RP1L1: variants seen among roughly 807,000 people sequenced by gnomAD.
The protein encoded by RP1L1 is retinitis pigmentosa 1-like 1 protein.
In RP1L1, 27 loss-of-function variants were observed where a neutral mutation model predicts 15.7. That is an observed-to-expected ratio of 1.72 (90% CI 1.27 to 2.38). RP1L1 has a LOEUF of 2.38. Among genes scored for constraint, RP1L1 ranks in the 30% most tolerant of loss-of-function variants. RP1L1 has a pLI of 0.00. For synonymous variants in RP1L1, 1,813 were observed against 1,276.7 expected (o/e 1.42, Z -8.96); for missense variants, 4,798 against 3,075.9 (o/e 1.56, Z -13.24).
intron 1 of RP1L1, among the ~76,000 whole-genome samples, chr8:10,645,696 G>C (rs970197298): frequency 1.3e-5 from 2 of 152,164 alleles, no homozygotes; most frequent in African/African-American, 4.8e-5. Context: ...CGAGCATTGG[G>C]CTTCCCTGGG....
intron 2 of RP1L1, among the ~76,000 whole-genome samples, chr8:10,620,822 C>T (rs1390394182): frequency 6.6e-6 from 1 of 152,214 alleles, no homozygotes; most frequent in African/African-American, 2.4e-5. Flanking sequence ...AGCCCATTGG[C>T]TGTCATGTCC....
intron 1 of RP1L1, among the ~76,000 whole-genome samples, chr8:10,647,213 G>A (rs1798492597): frequency 1.3e-5 from 2 of 152,200 alleles, no homozygotes; most frequent in African/African-American, 2.4e-5. Context: ...TGGTTACAAG[G>A]CAACCAAGTA....
intron 3 of RP1L1, among the ~76,000 whole-genome samples, chr8:10,614,725 AAAG>A (rs1249023638): frequency 6.6e-6 from 1 of 151,778 alleles, no homozygotes; most frequent in Non-Finnish European, 1.5e-5. Context: ...AGGAAAAAAA[AAAG>A]AAAGAAAGAA....
rs115393855 is a variant in RP1L1 at position 10,632,788 on chromosome 8, A to G, written c.-19-9568T>C. On this transcript the variant is annotated intron_variant, in intron 1 of 3. Coordinates refer to ENST00000382483, the MANE Select transcript of RP1L1 (RefSeq NM_178857.6). The stretch of plus-strand genomic sequence containing the variant: ...TCCCAGTCTGAGGTTGACTTGATAT[A>G]GGATGGACGAGGTCAAGATGAGGAG... 3.9e-3 allele frequency among the ~76,000 whole-genome samples: 590 copies of G among 152,348 alleles called. 1 individual carries two copies. The highest frequency in any genetic ancestry group is 0.013 in the African/African-American group (553 of 41,566).
intron 1 of RP1L1, among the ~76,000 whole-genome samples, chr8:10,650,574 T>C (rs1336892232): frequency 1.3e-5 from 2 of 150,652 alleles, no homozygotes; most frequent in East Asian, 1.9e-4. Context: ...TTTTTTTAAT[T>C]GAGAGGGAGT....
At position 10,610,925 on chromosome 8, in the gene RP1L1, G is replaced by A; in HGVS notation, c.3173C>T (p.Ala1058Val). 6.2e-7 allele frequency: 1 copy of A among 1,611,150 alleles called. No individual in the cohort carries two copies. Among genetic ancestry groups the A allele is most frequent in the Admixed American group, 1.7e-5 (1 of 59,792 alleles). ...TGCTGGGGCCTCTCTGTCTGCTCCGGCCTCTGCAGGGGCCTCGGAAACTCC... is the reference window on the plus strand; with the variant it reads ...TGCTGGGGCCTCTCTGTCTGCTCCGACCTCTGCAGGGGCCTCGGAAACTCC... The part of the protein sequence containing the change: ...PEGVSEAPAE[A>V]GADREAPAGC... Residue 1058 changes from alanine to valine, a missense_variant, in exon 4 of 4, where the codon GCC (alanine) becomes GTC (valine). Coordinates refer to ENST00000382483, the MANE Select transcript of RP1L1 (RefSeq NM_178857.6).
At chr8:10,613,699 C>T (rs1448608891) in intron 3 of RP1L1, among the ~76,000 whole-genome samples, 1 of 151,450 alleles carries the variant, frequency 6.6e-6, no homozygotes, top group East Asian at 1.9e-4. Context: ...AAGGCTGAGG[C>T]AGGAGAATCC....
At chr8:10,618,691 C>A (rs1220912484) in intron 2 of RP1L1, among the ~76,000 whole-genome samples, 5 of 152,122 alleles carry the variant, frequency 3.3e-5, no homozygotes, top group African/African-American at 1.2e-4. Context: ...GACCCTGTCT[C>A]AAACATTAAT....
chr8:10,612,646 G>T lies in RP1L1; in HGVS notation c.1452C>A (p.Ser484Arg). The change falls in exon 4 of 4, where the codon AGC (serine) becomes AGA (arginine). Residue 484 changes from serine to arginine, a missense_variant. Ser to Arg is a moderately radical substitution (Grantham distance 110). Transcript: ENST00000382483. ...RTPEDGVDSASPSAQIGAERK... is the reference protein window; with the variant it reads ...RTPEDGVDSARPSAQIGAERK... ...GCTCAGCCCCTATCTGGGCAGAGGGGCTGGCACTGTCCACCCCGTCCTCCG... is the reference window on the plus strand; with the variant it reads ...GCTCAGCCCCTATCTGGGCAGAGGGTCTGGCACTGTCCACCCCGTCCTCCG... 1 of 1,601,774 alleles carries T rather than the reference G, an allele frequency of 6.2e-7. No homozygotes were observed.
chr8:10,630,518 T>C (rs1798225144), intron 1 of RP1L1, among the ~76,000 whole-genome samples: 1 of 152,162 alleles, frequency 6.6e-6, no homozygotes, highest in Non-Finnish European at 1.5e-5. Context: ...AAAGAAAATG[T>C]CAAGACAAAT....
rs367747428 is a variant in RP1L1 at position 10,609,707 on chromosome 8, G to C, written c.4391C>G (p.Ala1464Gly). The C allele has an allele frequency of 8.7e-6, 14 of 1,612,946 alleles. No homozygotes were observed. The highest frequency in any genetic ancestry group is 8.0e-5 in the African/African-American group (6 of 74,920). ...CTGGGAGCCACTCTGCCTCTCGCTGGCACTTGGGTCCGTCTCGCTGAGATG... is the reference window on the plus strand; with the variant it reads ...CTGGGAGCCACTCTGCCTCTCGCTGCCACTTGGGTCCGTCTCGCTGAGATG... The part of the protein sequence containing the change: ...PSHLSETDPS[A>G]SERQSGSQLE... The change falls in exon 4 of 4, where the codon GCC becomes GGC. Residue 1464 changes from alanine to glycine, a missense_variant. Transcript: ENST00000382483.
chr8:10,611,055 C>G lies in RP1L1; in HGVS notation c.3043G>C (p.Glu1015Gln). ...EPAQAGQQSL[E>Q]GDPGQDPEPE... ...TCTGGGTCCTGGCCGGGGTCCCCTT[C>G]CAGGGACTGCTGTCCCGCCTGAGCT... Residue 1015 changes from glutamate (E) to glutamine (Q), a missense_variant, in exon 4 of 4, where the codon GAA (glutamate) becomes CAA (glutamine). By Grantham distance (29) the Glu-to-Gln change is conservative. Coordinates refer to ENST00000382483, the MANE Select transcript of RP1L1 (RefSeq NM_178857.6). 6.2e-7 allele frequency: 1 copy of G among 1,612,812 alleles called. No individual in the cohort carries two copies. Among genetic ancestry groups the G allele is most frequent in the Non-Finnish European group, 8.5e-7 (1 of 1,180,004 alleles).
chr8:10,654,204 CT>C (rs1798605235), intron 1 of RP1L1, among the ~76,000 whole-genome samples: 1 of 152,154 alleles, frequency 6.6e-6, no homozygotes, highest in Non-Finnish European at 1.5e-5. Flanking sequence ...TGACTGGCCG[CT>C]GGGGGGATGT....
At chr8:10,650,535 G>C (rs1182475114) in intron 1 of RP1L1, among the ~76,000 whole-genome samples, 3 of 151,592 alleles carry the variant, frequency 2.0e-5, no homozygotes, top group Non-Finnish European at 4.4e-5. Flanking sequence ...GAAGTCATAA[G>C]AGCAAGACTC....
chr8:10,623,194 C>A lies in RP1L1; in HGVS notation c.8G>T (p.Ser3Ile). 1 of 1,561,202 alleles carries A rather than the reference C, an allele frequency of 6.4e-7. No homozygotes were observed. Among genetic ancestry groups the A allele is most frequent in the Non-Finnish European group, 8.7e-7 (1 of 1,153,182 alleles). ...CGGGGCCTGGGCATTCCTGGGGGTG[C>A]TGTTCATGGTGTGGGGGCTCTGGCC... MN[S>I]TPRNAQAPSH... The change falls in exon 2 of 4, where the codon AGC becomes ATC. Residue 3 changes from serine (S) to isoleucine (I), a missense_variant. By Grantham distance (142) the Ser-to-Ile change is moderately radical. Transcript: ENST00000382483.
intron 3 of RP1L1, among the ~76,000 whole-genome samples, chr8:10,613,598 TCC>T (rs1286908770): frequency 0.29 from 11,018 of 38,448 alleles, 1,757 homozygotes; most frequent in South Asian, 0.47. Context: ...ACACCATCTC[TCC>T]AAAAAAAAAA....
rs562466295 is a variant in RP1L1 at position 10,613,102 on chromosome 8, G to C, written c.996C>G (p.Val332=). ...SVEMKVRFHL[V]GEDTLLWSRR... is the part of the protein sequence containing the mutation. ...GGGACCATAGGAGCGTGTCCTCGCC[G>C]ACCAGGTGGAAGCGGACTTTCATCT... Residue 332 remains valine (V), a synonymous_variant, in exon 4 of 4, where the codon GTC becomes GTG. Transcript: ENST00000382483. 14 of 1,613,770 alleles carry C rather than the reference G, an allele frequency of 8.7e-6. No homozygotes were observed. Among genetic ancestry groups the C allele is most frequent in the East Asian group, 6.7e-5 (3 of 44,884 alleles).
rs755861527 is a variant in RP1L1 at position 10,622,571 on chromosome 8, C to A, written c.609+22G>T. On this transcript the variant is annotated intron_variant, in intron 2 of 3. Coordinates refer to ENST00000382483, the MANE Select transcript of RP1L1 (RefSeq NM_178857.6). ...AGGTCTAAAGAACCTTTTCAAGGAA[C>A]CGTCAGACCCCAACAGCCTACCTTT... 1.1e-5 allele frequency: 17 copies of A among 1,613,944 alleles called. No individual in the cohort carries two copies. In the South Asian group the frequency reaches 1.3e-4, roughly 13 times the overall value.
intron 1 of RP1L1, among the ~76,000 whole-genome samples, chr8:10,647,657 A>G (rs1470618014): frequency 6.6e-6 from 1 of 152,224 alleles, no homozygotes; most frequent in Non-Finnish European, 1.5e-5. Flanking sequence ...GTGTTGCAGC[A>G]TGAGTCAGCA....
Sources: allele counts gnomAD v4.1 joint callset (sites outside exome capture counted in the v4.1 genomes callset), GRCh38; gene constraint gnomAD v4.1.1; transcripts MANE v1.5; gene names NCBI Gene and HGNC (gene_info 2026-07-23, HGNC 2026-07-21).